The following CALD1 variants were observed in gnomAD, a reference collection of about 807,000 sequenced individuals.
The protein encoded by CALD1 is caldesmon.
A neutral mutation model predicts 99.9 loss-of-function variants in CALD1; 33 were observed. The observed-to-expected ratio is 0.33, with a 90% CI of 0.25 to 0.44. The LOEUF is 0.44. Among genes scored for constraint, CALD1 ranks in the 20% least tolerant of loss-of-function variants. The pLI is 1.00. For missense variants in CALD1, 861 were observed against 962.1 expected (o/e 0.89, Z 1.39); for synonymous variants, 310 against 325.0 (o/e 0.95, Z 0.50).
intron 3 of CALD1, among the ~76,000 whole-genome samples, chr7:134,886,716 T>C (rs981470026): frequency 2.6e-5 from 4 of 152,208 alleles, no homozygotes; most frequent in African/African-American, 9.7e-5. Flanking sequence ...CAACAGGAAA[T>C]CTAGTTCGAT....
upstream of CALD1, among the ~76,000 whole-genome samples, chr7:134,743,547 T>G (rs2131534347): frequency 6.6e-6 from 1 of 152,330 alleles, no homozygotes; most frequent in East Asian, 1.9e-4. Context: ...TAAAGTGATC[T>G]TGCTGTTTTG....
Position 134,862,570 on chromosome 7 carries a change from A to G in CALD1, c.-41-5123A>G, listed in dbSNP as rs541413424. 2.6e-5 allele frequency among the ~76,000 whole-genome samples: 4 copies of G among 152,276 alleles called. No individual in the cohort carries two copies. The South Asian group carries it at 8.3e-4, about 32-fold the overall frequency. ...TGATTGCCAGGGTTTTGGAGTAAGG[A>G]GAGGGAAGGGATAAATGAGTGGAGC... On this transcript the variant is annotated intron_variant, in intron 2 of 14. Transcript: ENST00000361675.
chr7:134,823,049 C>T (rs910597619), intron 1 of CALD1, among the ~76,000 whole-genome samples: 17 of 152,160 alleles, frequency 1.1e-4, no homozygotes, highest in African/African-American at 3.9e-4. Flanking sequence ...CTGCCCACCC[C>T]ACCTGTCCCT....
At chr7:134,719,769 A>G in the CALD1 span, among the ~76,000 whole-genome samples, 7 of 152,362 alleles carry the variant, frequency 4.6e-5, no homozygotes, top group African/African-American at 1.7e-4. Context: ...AAGGTGACAG[A>G]AGCCAAAAGT....
chr7:134,933,236 G>T lies in CALD1; in HGVS notation c.467G>T (p.Arg156Leu), dbSNP rs757627390. Residue 156 changes from arginine to leucine, a missense_variant, in exon 5 of 15, where the codon CGC (arginine) becomes CTC (leucine). Physicochemically the swap from Arg to Leu is moderately radical, Grantham distance 102. Around this residue, in one of 5 missense-constraint regions of CALD1, gnomAD observed 234 missense variants for 233.1 expected, o/e 1.00. Transcript: ENST00000361675. ...TTEKEEKSESRQERYEIEETE... is the reference protein window; with the variant it reads ...TTEKEEKSESLQERYEIEETE... ...GAGAAGGAAGAAAAAAGTGAAAGTC[G>T]CCAAGAAAGATACGAGATAGAGGAA... The T allele has an allele frequency of 2.7e-5, 44 of 1,606,978 alleles. No homozygotes were observed. The highest frequency in any genetic ancestry group is 3.7e-5 in the Non-Finnish European group (43 of 1,177,790).
intron 14 of CALD1, among the ~76,000 whole-genome samples, chr7:134,967,193 C>T (rs1308592086): frequency 6.6e-6 from 1 of 152,194 alleles, no homozygotes; most frequent in Non-Finnish European, 1.5e-5. Flanking sequence ...ATGAATGGTA[C>T]TCCCTGGAGT....
Position 134,935,820 on chromosome 7 carries a change from T to C in CALD1, c.1386+55T>C, listed in dbSNP as rs537507710. 161 of 1,513,416 alleles carry C rather than the reference T, an allele frequency of 1.1e-4. 1 individual carries two copies. The Middle Eastern group carries it at 3.5e-3, about 33-fold the overall frequency. 93.7% of individuals were successfully genotyped at this position (1,513,416 alleles called of 1,614,324 possible). A position where few individuals can be genotyped will look rare whatever the true frequency, so the allele number is the denominator to read the frequency against. On this transcript the variant is annotated intron_variant, in intron 6 of 14. Coordinates refer to ENST00000361675, the MANE Select transcript of CALD1 (RefSeq NM_033138.4). The stretch of plus-strand genomic sequence containing the variant: ...AAGCAACAGAAAAAGCAGTCAGTGT[T>C]CCAAGATATCTCAGGTCTGATGATC...
the CALD1 span, among the ~76,000 whole-genome samples, chr7:134,730,687 C>T: frequency 6.6e-6 from 1 of 152,262 alleles, no homozygotes; most frequent in East Asian, 1.9e-4. Context: ...ATAAATAAAA[C>T]ATTGACTGGT....
the CALD1 span, among the ~76,000 whole-genome samples, chr7:134,720,962 G>T: frequency 6.6e-6 from 1 of 152,210 alleles, no homozygotes; most frequent in Admixed American, 6.5e-5. Flanking sequence ...AAAAGTAATA[G>T]CATCAAACAA....
the CALD1 span, among the ~76,000 whole-genome samples, chr7:134,728,643 T>C: frequency 6.6e-6 from 1 of 152,140 alleles, no homozygotes; most frequent in African/African-American, 2.4e-5. Context: ...CCATTCTTCT[T>C]AATTCAAAGG....
intron 7 of CALD1, among the ~76,000 whole-genome samples, chr7:134,942,077 A>C (rs80340964): frequency 6.4e-4 from 98 of 152,224 alleles, no homozygotes; most frequent in African/African-American, 2.2e-3. Flanking sequence ...ACTCTCTCCA[A>C]CCACTGGGGC....
intron 1 of CALD1, among the ~76,000 whole-genome samples, chr7:134,755,942 G>T (rs970668703): frequency 6.6e-6 from 1 of 151,994 alleles, no homozygotes; most frequent in Non-Finnish European, 1.5e-5. Flanking sequence ...GTGAGATAGG[G>T]ATCTAAACAT....
At chr7:134,807,375 T>G (rs530609924) in intron 1 of CALD1, among the ~76,000 whole-genome samples, 1 of 152,320 alleles carries the variant, frequency 6.6e-6, no homozygotes, top group East Asian at 1.9e-4. Flanking sequence ...CTATCAGTAC[T>G]GTTCTGTGTC....
intron 2 of CALD1, among the ~76,000 whole-genome samples, chr7:134,856,189 C>T (rs1345532796): frequency 2.0e-5 from 3 of 152,196 alleles, no homozygotes; most frequent in Non-Finnish European, 4.4e-5. Flanking sequence ...TAGTACAGAG[C>T]TATAGTGCTT....
chr7:134,797,629 T>C (rs1343758546), intron 1 of CALD1, among the ~76,000 whole-genome samples: 1 of 152,148 alleles, frequency 6.6e-6, no homozygotes, highest in Non-Finnish European at 1.5e-5. Context: ...AGTCTTGCTC[T>C]GTGGCCAGGC....
intron 8 of CALD1, among the ~76,000 whole-genome samples, chr7:134,948,733 T>A (rs1432707833): frequency 6.6e-6 from 1 of 152,192 alleles, no homozygotes; most frequent in East Asian, 1.9e-4. Flanking sequence ...AAAATTTTCC[T>A]GAACTGTATG....
chr7:134,796,207 A>G (rs1418991660), intron 1 of CALD1, among the ~76,000 whole-genome samples: 1 of 152,200 alleles, frequency 6.6e-6, no homozygotes, highest in East Asian at 1.9e-4. Flanking sequence ...CTCCTGCCTC[A>G]TGTCCACAGC....
At chr7:134,917,707 G>C (rs1478967303) in intron 3 of CALD1, among the ~76,000 whole-genome samples, 1 of 152,122 alleles carries the variant, frequency 6.6e-6, no homozygotes, top group East Asian at 1.9e-4. Context: ...TCTAGGTTGG[G>C]GATGAAGAAA....
intron 1 of CALD1, among the ~76,000 whole-genome samples, chr7:134,773,278 T>C (rs1459193383): frequency 7.3e-5 from 2 of 27,522 alleles, no homozygotes; most frequent in African/African-American, 7.6e-4. Context: ...TTTCTGAACT[T>C]TTTTTTTTTT....
Sources: gnomAD v4.1 joint callset for allele counts (sites outside exome capture counted in the v4.1 genomes callset) on GRCh38, gnomAD v4.1.1 for gene constraint, gnomAD v4.1.1 regional missense constraint, MANE v1.5 for transcripts, NCBI Gene and HGNC (gene_info 2026-07-23, HGNC 2026-07-21) for gene names.